The following GOLGA1 variants were observed in gnomAD, a reference collection of about 807,000 sequenced individuals.
GOLGA1 encodes the protein golgin subfamily A member 1.
Under a neutral mutation model 119.7 loss-of-function variants are expected in GOLGA1, and 63 were observed. That is an observed-to-expected ratio of 0.53 (90% CI 0.43 to 0.65). The LOEUF (loss-of-function observed/expected upper bound fraction) is 0.65. Among genes scored for constraint, GOLGA1 ranks in the 30% least tolerant of loss-of-function variants. The probability of loss-of-function intolerance (pLI) is 0.00; values close to 1 mark genes in which losing one functional copy is unlikely to be tolerated. For synonymous variants in GOLGA1, 318 were observed against 333.4 expected, an observed-to-expected ratio of 0.95 and a Z score of 0.50; for missense variants, 798 against 912.8, an observed-to-expected ratio of 0.87 and a Z score of 1.62.
At chr9:124,880,812 CT>C (rs1185506917) in intron 22 of GOLGA1, among the ~76,000 whole-genome samples, 11 of 152,190 alleles carry the variant, frequency 7.2e-5, no homozygotes, top group Admixed American at 6.5e-4. Flanking sequence ...GAGAAAAACA[CT>C]GAGTTGACAG....
intron 9 of GOLGA1, 58 bp from the exon 10 acceptor site, chr9:124,921,298 C>A: frequency 1.1e-6 from 1 of 948,496 alleles, no homozygotes; most frequent in South Asian, 1.3e-5. Flanking sequence ...AATATACAGT[C>A]TTCTGCAGGA....
chr9:124,936,770 A>G (rs1830878511), intron 3 of GOLGA1, among the ~76,000 whole-genome samples: 1 of 152,242 alleles, frequency 6.6e-6, no homozygotes, highest in South Asian at 2.1e-4. Flanking sequence ...ATACAGCAGT[A>G]AAAATAAATG....
intron 15 of GOLGA1, among the ~76,000 whole-genome samples, chr9:124,894,000 A>C (rs1383898126): frequency 6.6e-6 from 1 of 152,182 alleles, no homozygotes; most frequent in Non-Finnish European, 1.5e-5. Context: ...TGCTCTCGTC[A>C]ACCATATTCC....
At position 124,881,705 on chromosome 9, in the gene GOLGA1, G is replaced by T; in HGVS notation, c.2136+79C>A. ...AGGATGTACGAGGAAAAGAGAGAAA[G>T]GGGCTGGGCAGGGGTCCCTGCAGGA... On this transcript the variant is annotated intron_variant, in intron 21 of 22. Transcript: ENST00000373555. This position sits in a 1 kb window ranked among gnomAD's most constrained non-coding sequence, Gnocchi z 4.9. 1.1e-6 allele frequency: 1 copy of T among 896,934 alleles called. No homozygotes were observed. The highest frequency in any genetic ancestry group is 1.7e-5 in the South Asian group (1 of 57,556). The allele number at this position is 896,934 out of a possible 1,614,324, so 55.6% of individuals were successfully genotyped here. A position where few individuals can be genotyped will look rare whatever the true frequency, so the allele number is the denominator to read the frequency against.
chr9:124,881,513 G>A lies in GOLGA1; in HGVS notation c.2137-256C>T, dbSNP rs147847572. Among the ~76,000 whole-genome samples the A allele has an allele frequency of 7.5e-4, 114 of 152,318 alleles. 1 individual carries two copies. Among genetic ancestry groups the A allele is most frequent in the African/African-American group, 2.3e-3 (97 of 41,580 alleles). ...GACCCAGGAGCGATGGGTGGATTCC[G>A]TTCCCGGCTTCCGGCCTCTGGCCTC... On this transcript the variant is annotated intron_variant, in intron 21 of 22. Transcript: ENST00000373555. This position sits in a 1 kb window ranked among gnomAD's most constrained non-coding sequence, Gnocchi z 4.9.
intron 16 of GOLGA1, 78 bp from the exon 17 acceptor site, chr9:124,889,614 T>C (rs1186267934): frequency 3.2e-6 from 3 of 948,260 alleles, no homozygotes; most frequent in Non-Finnish European, 5.2e-6. Flanking sequence ...ACTTCCCCGC[T>C]CTCCAGGGTA....
intron 7 of GOLGA1, among the ~76,000 whole-genome samples, chr9:124,924,767 T>C (rs1474651141): frequency 6.8e-6 from 1 of 147,800 alleles, no homozygotes; most frequent in Non-Finnish European, 1.5e-5. Context: ...AAGACCTATA[T>C]AGGTGTCTCA....
At chr9:124,944,853 A>G (rs747802132), upstream of GOLGA1, 18 of 152,236 alleles carry the variant, frequency 1.2e-4, no homozygotes, top group Non-Finnish European at 2.4e-4. Context: ...CAAAGTGGAC[A>G]TTCACAACAG....
intron 4 of GOLGA1, among the ~76,000 whole-genome samples, chr9:124,930,815 A>G (rs921562146): frequency 3.3e-5 from 5 of 152,240 alleles, no homozygotes; most frequent in South Asian, 2.1e-4. Context: ...GACAAAAGAC[A>G]TAATGAGAGT....
intron 6 of GOLGA1, among the ~76,000 whole-genome samples, chr9:124,927,111 T>A (rs143282665): frequency 5.9e-5 from 9 of 152,288 alleles, no homozygotes; most frequent in Non-Finnish European, 1.3e-4. Flanking sequence ...TGGGACCAGC[T>A]GAGTTGAGTA....
chr9:124,889,652 G>C (rs752120885), intron 16 of GOLGA1, 116 bp from the exon 17 acceptor site: 6 of 764,346 alleles, frequency 7.8e-6, no homozygotes, highest in East Asian at 2.4e-5. Flanking sequence ...TGAAGTCCAC[G>C]ACCCAGAGCA....
Position 124,878,805 on chromosome 9 carries a change from C to T in GOLGA1, c.*1725G>A, listed in dbSNP as rs1028515446. The T allele has an allele frequency of 2.0e-5, 3 of 152,204 alleles. No homozygotes were observed. The highest frequency in any genetic ancestry group is 6.5e-5 in the Admixed American group (1 of 15,270). 9.4% of individuals were successfully genotyped at this position (152,204 alleles called of 1,614,324 possible). On this transcript the variant is annotated 3_prime_UTR_variant, in exon 23 of 23. Transcript: ENST00000373555. ...CTGCCTTTGGCTGGCTGTGAGCTAC[C>T]CAGTCTTAGAGATTCTTTCCTGGAA...
chr9:124,927,594 A>T (rs1006819337), intron 6 of GOLGA1, among the ~76,000 whole-genome samples: 13 of 152,238 alleles, frequency 8.5e-5, no homozygotes, highest in Non-Finnish European at 1.5e-4. Context: ...CTTATCTTAA[A>T]TTTAAAATGT....
At position 124,921,156 on chromosome 9, in the gene GOLGA1, A is replaced by C; in HGVS notation, c.816T>G (p.Ile272Met). Residue 272 changes from isoleucine to methionine, a missense_variant, in exon 10 of 23, where the codon ATT becomes ATG. By Grantham distance (10) the Ile-to-Met change is conservative. Transcript: ENST00000373555. ...TTTGCAAATCAATGGAAAGCTGCTGAATGAGTGCTTGGAGCTCTTGTTCCT... is the reference window on the plus strand; with the variant it reads ...TTTGCAAATCAATGGAAAGCTGCTGCATGAGTGCTTGGAGCTCTTGTTCCT... ...EQKEQELQAL[I>M]QQLSIDLQKV... The C allele has an allele frequency of 1.2e-6, 2 of 1,609,242 alleles. No individual in the cohort carries two copies. The highest frequency in any genetic ancestry group is 1.7e-5 in the Admixed American group (1 of 60,014).
Position 124,888,688 on chromosome 9 carries a change from C to CTTTA in GOLGA1, c.1762-296_1762-293dup, listed in dbSNP as rs147076823. Among the ~76,000 whole-genome samples, 1 of 152,028 alleles carries CTTTA rather than the reference C, an allele frequency of 6.6e-6. No individual in the cohort carries two copies. The highest frequency in any genetic ancestry group is 2.4e-5 in the African/African-American group (1 of 41,354). On this transcript the variant is annotated intron_variant, in intron 18 of 22. Transcript: ENST00000373555. The surrounding 1 kb of genome is among the most constrained non-coding windows in gnomAD (Gnocchi z 4.4). Reference sequence around the variant, plus strand: ...GCCTCCTAGCCATATGAGTGCCCTACTTTATTTATTTATCTATTTATTTAT... The same window carrying CTTTA: ...GCCTCCTAGCCATATGAGTGCCCTACTTTATTTATTTATTTATCTATTTATTTAT...
chr9:124,927,482 C>G (rs2131510140), intron 6 of GOLGA1, among the ~76,000 whole-genome samples: 1 of 152,228 alleles, frequency 6.6e-6, no homozygotes, highest in South Asian at 2.1e-4. Flanking sequence ...AACCAACCAA[C>G]CAACCCACCT....
intron 7 of GOLGA1, 142 bp downstream of exon 7, chr9:124,926,567 T>A: frequency 1.4e-6 from 1 of 720,904 alleles, no homozygotes; most frequent in Admixed American, 2.2e-5. Flanking sequence ...GGATCAGAGC[T>A]TTTCAAGTCA....
At position 124,903,877 on chromosome 9, in the gene GOLGA1, C is replaced by T. The variant is rs181152340; in HGVS notation, c.1066-3330G>A. ...CATCTTGGTCAACATGGTGAAACCC[C>T]ATCTCTACTAAAATGCAAAAAATTA... On this transcript the variant is annotated intron_variant, in intron 12 of 22. Coordinates refer to ENST00000373555, the MANE Select transcript of GOLGA1 (RefSeq NM_002077.4). Among the ~76,000 whole-genome samples, 1,056 of 151,920 alleles carry T rather than the reference C, an allele frequency of 7.0e-3. 10 individuals are homozygous for T. The highest frequency in any genetic ancestry group is 0.012 in the Non-Finnish European group (824 of 67,930).
chr9:124,880,712 C>T (rs1191246330), intron 22 of GOLGA1, 102 bp from the exon 23 acceptor site: 1 of 741,602 alleles, frequency 1.3e-6, no homozygotes, highest in Non-Finnish European at 2.4e-6. Flanking sequence ...CTCCTGCCCC[C>T]CACACATCCT....
Sources: allele counts gnomAD v4.1 joint callset (sites outside exome capture counted in the v4.1 genomes callset), GRCh38; gene constraint gnomAD v4.1.1; non-coding constraint Gnocchi (gnomAD v3.1); transcripts MANE v1.5; gene names NCBI Gene and HGNC (gene_info 2026-07-23, HGNC 2026-07-21).